The following SH3RF3 variants were observed in gnomAD, a reference collection of about 807,000 sequenced individuals.
SH3RF3 encodes the protein E3 ubiquitin-protein ligase SH3RF3.
In SH3RF3, 29 loss-of-function variants were observed where a neutral mutation model predicts 66.3. The ratio of observed to expected loss-of-function variants is 0.44; its 90% CI spans 0.33 to 0.60. The LOEUF (loss-of-function observed/expected upper bound fraction) is 0.60. Ranked by LOEUF, SH3RF3 falls within the 20% of genes least tolerant of loss-of-function variation. The pLI, the probability that SH3RF3 is intolerant of heterozygous loss-of-function variation, is 0.04. For missense variants in SH3RF3, 1,194 were observed against 1,190.9 expected (o/e 1.00, Z -0.04); for synonymous variants, 583 against 532.0 (o/e 1.10, Z -1.32).
At chr2:109,379,896 G>C (rs1039600057) in intron 3 of SH3RF3, among the ~76,000 whole-genome samples, 1 of 152,156 alleles carries the variant, frequency 6.6e-6, no homozygotes. Context: ...GTCTATGTCT[G>C]AACAGAGTGG....
chr2:109,129,789 G>A lies in SH3RF3; in HGVS notation c.249G>A (p.Glu83=), dbSNP rs552426115. The change falls in exon 1 of 10, where the codon GAG becomes GAA. Residue 83 remains glutamate (E), a synonymous_variant. Transcript: ENST00000309415. ...CQHTFCRRCL[E]SIVCSRHELR... is the part of the protein sequence containing the mutation. ...ACACTTTCTGCCGCCGCTGCCTGGA[G>A]AGCATCGTGTGCTCGCGCCACGAGC... 1.3e-6 allele frequency: 2 copies of A among 1,539,282 alleles called. No individual in the cohort carries two copies. The highest frequency in any genetic ancestry group is 1.4e-5 in the African/African-American group (1 of 72,490).
chr2:109,135,549 G>A (rs1676796248), intron 1 of SH3RF3, among the ~76,000 whole-genome samples: 1 of 152,214 alleles, frequency 6.6e-6, no homozygotes. Flanking sequence ...AAATCTTCAA[G>A]TCTCTTATCA....
chr2:109,152,700 A>G (rs1391505964), intron 1 of SH3RF3, among the ~76,000 whole-genome samples: 1 of 152,096 alleles, frequency 6.6e-6, no homozygotes, highest in East Asian at 1.9e-4. Flanking sequence ...CCAGCTCATC[A>G]TTGGAAATTC....
chr2:109,458,601 A>AGAGAGAGAGAGAGAGAGAGT (rs1553524376), intron 8 of SH3RF3, among the ~76,000 whole-genome samples: 1 of 148,956 alleles, frequency 6.7e-6, no homozygotes, highest in Non-Finnish European at 1.5e-5. Context: ...AGAGAGAGAG[A>AGAGAGAGAGAGAGAGAGAGT]ATTTATTTAT....
At chr2:109,141,594 C>G (rs1676951012) in intron 1 of SH3RF3, 4 of 154,906 alleles carry the variant, frequency 2.6e-5, no homozygotes. Flanking sequence ...CTGCACTTTT[C>G]TCTATCGTGA....
At chr2:109,160,182 T>C (rs897365509) in intron 1 of SH3RF3, among the ~76,000 whole-genome samples, 2 of 152,134 alleles carry the variant, frequency 1.3e-5, no homozygotes, top group African/African-American at 4.8e-5. Flanking sequence ...AGTCACTCTC[T>C]GCCCTCAGGA....
intron 9 of SH3RF3, among the ~76,000 whole-genome samples, chr2:109,497,212 G>A (rs997446957): frequency 6.6e-6 from 1 of 152,192 alleles, no homozygotes; most frequent in Non-Finnish European, 1.5e-5. Flanking sequence ...AGTGTCCAGG[G>A]TATAGAAGTA....
chr2:109,328,819 T>C (rs906636100), intron 1 of SH3RF3, among the ~76,000 whole-genome samples: 1 of 152,226 alleles, frequency 6.6e-6, no homozygotes, highest in African/African-American at 2.4e-5. Context: ...ATATTTCACC[T>C]GAACACAGTG....
intron 7 of SH3RF3, among the ~76,000 whole-genome samples, chr2:109,448,957 T>C (rs1677787497): frequency 6.6e-6 from 1 of 152,216 alleles, no homozygotes; most frequent in African/African-American, 2.4e-5. Context: ...CAGGGCCCCC[T>C]GATCCCTTGG....
At chr2:109,252,704 T>A (rs902696073) in intron 1 of SH3RF3, among the ~76,000 whole-genome samples, 1 of 152,228 alleles carries the variant, frequency 6.6e-6, no homozygotes, top group African/African-American at 2.4e-5. Flanking sequence ...TTAAATGTAC[T>A]CAGAACAATA....
rs192323491 is a variant in SH3RF3 at position 109,335,976 on chromosome 2, C to T, written c.574-11698C>T. 1.1e-4 allele frequency among the ~76,000 whole-genome samples: 17 copies of T among 152,270 alleles called. No homozygotes were observed. In the East Asian group the frequency reaches 3.3e-3, roughly 29 times the overall value. ...GGATATGTCGGTGAGACTGATAGCA[C>T]GATGTTGTCGAGACATTCGGGCTGA... On this transcript the variant is annotated intron_variant, in intron 1 of 9. Transcript: ENST00000309415.
chr2:109,274,746 T>G (rs908120186), intron 1 of SH3RF3, among the ~76,000 whole-genome samples: 4 of 152,202 alleles, frequency 2.6e-5, no homozygotes, highest in Admixed American at 1.3e-4. Flanking sequence ...GTAAATGCCA[T>G]TAAATTGTTC....
intron 1 of SH3RF3, among the ~76,000 whole-genome samples, chr2:109,258,240 C>T (rs748410): frequency 0.46 from 69,457 of 151,492 alleles, 15,899 homozygotes; most frequent in African/African-American, 0.48. Context: ...GACAGCCTGG[C>T]GCTGTTTGTA....
chr2:109,387,237 C>T (rs1675846383), intron 3 of SH3RF3, among the ~76,000 whole-genome samples: 2 of 152,200 alleles, frequency 1.3e-5, no homozygotes, highest in African/African-American at 4.8e-5. Flanking sequence ...AGAATATTCT[C>T]ATAACATGAT....
In SH3RF3 at chr2:109,238,449, T is replaced by TTG. The variant is rs56112018; in HGVS notation, c.573+108385_573+108386dup. On this transcript the variant is annotated intron_variant, in intron 1 of 9. Transcript: ENST00000309415. The stretch of plus-strand genomic sequence containing the variant: ...TACATTTCTTGTTTGTTATGTATAT[T>TTG]TGTGTGTGTGTGTGTGTGTGTGTGT... Among the ~76,000 whole-genome samples the TTG allele has an allele frequency of 6.0e-3, 861 of 142,680 alleles. 8 individuals carry two copies. Among genetic ancestry groups the TTG allele is most frequent in the South Asian group, 0.014 (60 of 4,170 alleles). The allele number at this position is 142,680 out of a possible 152,430, so 93.6% of individuals were successfully genotyped here.
chr2:109,405,711 T>C (rs531813007), intron 4 of SH3RF3, among the ~76,000 whole-genome samples: 1 of 152,314 alleles, frequency 6.6e-6, no homozygotes, highest in African/African-American at 2.4e-5. Flanking sequence ...CCATGTCACC[T>C]TTCCACCACC....
intron 1 of SH3RF3, among the ~76,000 whole-genome samples, chr2:109,339,999 C>G (rs2105523664): frequency 1.3e-5 from 2 of 152,286 alleles, no homozygotes; most frequent in Non-Finnish European, 2.9e-5. Context: ...GAGGAATTTG[C>G]CCACCTTGCT....
chr2:109,213,258 T>C (rs10190545), intron 1 of SH3RF3, among the ~76,000 whole-genome samples: 64,285 of 152,120 alleles, frequency 0.42, 16,076 homozygotes, highest in East Asian at 0.8. Flanking sequence ...ACTCAGGACA[T>C]GGCTCTTCCT....
chr2:109,198,511 G>C (rs1678560742), intron 1 of SH3RF3, among the ~76,000 whole-genome samples: 1 of 152,172 alleles, frequency 6.6e-6, no homozygotes, highest in Non-Finnish European at 1.5e-5. Flanking sequence ...ACCACACACT[G>C]TGTGGCTTAA....
Sources: allele counts gnomAD v4.1 joint callset (sites outside exome capture counted in the v4.1 genomes callset), GRCh38; gene constraint gnomAD v4.1.1; transcripts MANE v1.5; gene names NCBI Gene and HGNC (gene_info 2026-07-23, HGNC 2026-07-21).